The following IMMP2L variants were observed in gnomAD, a reference collection of about 807,000 sequenced individuals.
The protein encoded by IMMP2L is mitochondrial inner membrane protease subunit 2.
A neutral mutation model predicts 19.3 loss-of-function variants in IMMP2L; 18 were observed. That is an observed-to-expected ratio of 0.93 (90% confidence interval 0.64 to 1.38). The LOEUF (loss-of-function observed/expected upper bound fraction) is 1.38. IMMP2L is among the 40% of genes most tolerant of loss of function. The pLI, the probability that IMMP2L is intolerant of heterozygous loss-of-function variation, is 0.00. For synonymous variants in IMMP2L, 76 were observed against 73.0 expected, an observed-to-expected ratio of 1.04 and a Z score of -0.21; for missense variants, 233 against 218.2, an observed-to-expected ratio of 1.07 and a Z score of -0.43.
At position 110,701,068 on chromosome 7, in the gene IMMP2L, T is replaced by C. The variant is rs540913673; in HGVS notation, c.409-37347A>G. Among the ~76,000 whole-genome samples the C allele has an allele frequency of 7.1e-4, 108 of 152,326 alleles. No individual in the cohort carries two copies. In the Middle Eastern group the frequency reaches 0.01, roughly 14 times the overall value. On this transcript the variant is annotated intron_variant, in intron 5 of 5. Coordinates refer to ENST00000405709, the MANE Select transcript of IMMP2L (RefSeq NM_032549.4). Reference sequence around the variant, plus strand: ...GAATCTGTTTTGTTTTATGACATGTTGTACACATATTTTACACATATCACA... The same window carrying C: ...GAATCTGTTTTGTTTTATGACATGTCGTACACATATTTTACACATATCACA...
Position 111,336,982 on chromosome 7 carries a change from A to C in IMMP2L, c.239+150256T>G, listed in dbSNP as rs139922833. On this transcript the variant is annotated intron_variant, in intron 3 of 5. Coordinates refer to ENST00000405709, the MANE Select transcript of IMMP2L (RefSeq NM_032549.4). ...AGATTCATAAGCATCATATATATTTAATGTCAATTGTTCCAATCTTTTCTC... is the reference window on the plus strand; with the variant it reads ...AGATTCATAAGCATCATATATATTTCATGTCAATTGTTCCAATCTTTTCTC... Among the ~76,000 whole-genome samples the C allele has an allele frequency of 1.1e-4, 17 of 152,166 alleles. No homozygotes were observed. In the East Asian group the frequency reaches 3.1e-3, roughly 28 times the overall value.
At chr7:110,867,027 A>G (rs900470998) in intron 5 of IMMP2L, among the ~76,000 whole-genome samples, 4 of 152,150 alleles carry the variant, frequency 2.6e-5, no homozygotes, top group Admixed American at 2.6e-4. Flanking sequence ...TTTTTTATTC[A>G]CACCATCTTC....
intron 5 of IMMP2L, among the ~76,000 whole-genome samples, chr7:110,828,788 T>A (rs1648198815): frequency 6.6e-6 from 1 of 152,100 alleles, no homozygotes; most frequent in Non-Finnish European, 1.5e-5. Context: ...GAGATATGGT[T>A]GAAAAACCTG....
chr7:111,464,193 G>A (rs974272256), intron 3 of IMMP2L, among the ~76,000 whole-genome samples: 3 of 152,266 alleles, frequency 2.0e-5, no homozygotes, highest in South Asian at 2.1e-4. Flanking sequence ...ACAAGGCCAG[G>A]ATTACAGGTA....
At chr7:110,701,064 A>G (rs765243149) in intron 5 of IMMP2L, among the ~76,000 whole-genome samples, 10 of 152,316 alleles carry the variant, frequency 6.6e-5, no homozygotes, top group Non-Finnish European at 1.3e-4. Flanking sequence ...GTTTTATGAC[A>G]TGTTGTACAC....
intron 3 of IMMP2L, chr7:111,392,966 C>T (rs1832515054): frequency 5.0e-6 from 2 of 397,896 alleles, no homozygotes; most frequent in East Asian, 7.1e-5. Flanking sequence ...AGTCTCAGAA[C>T]CCAAGCATTT....
chr7:110,902,501 T>C (rs916126723), intron 4 of IMMP2L, among the ~76,000 whole-genome samples: 4 of 142,078 alleles, frequency 2.8e-5, no homozygotes, highest in Admixed American at 7.0e-5. Context: ...TATATATATA[T>C]AGTATCAAGG....
chr7:110,854,836 T>G (rs1806589138), intron 5 of IMMP2L, among the ~76,000 whole-genome samples: 1 of 151,988 alleles, frequency 6.6e-6, no homozygotes, highest in East Asian at 1.9e-4. Flanking sequence ...TATTCTGGAA[T>G]TCAGTGACTG....
intron 4 of IMMP2L, among the ~76,000 whole-genome samples, chr7:110,896,843 G>A (rs1012579703): frequency 1.1e-4 from 17 of 151,494 alleles, no homozygotes; most frequent in Admixed American, 6.6e-4. Flanking sequence ...GTCTCGCTTC[G>A]TTGCTCAGGC....
chr7:111,051,264 A>T (rs1792980360), intron 3 of IMMP2L, among the ~76,000 whole-genome samples: 1 of 152,218 alleles, frequency 6.6e-6, no homozygotes, highest in African/African-American at 2.4e-5. Flanking sequence ...CAGCATTTTA[A>T]TAAAACTATG....
Position 111,547,719 on chromosome 7 carries a change from C to T in IMMP2L, c.-3+14132G>A, listed in dbSNP as rs2133051311. 3.8e-5 allele frequency among the ~76,000 whole-genome samples: 3 copies of T among 78,504 alleles called. No homozygotes were observed. The East Asian group carries it at 2.1e-3, about 56-fold the overall frequency. 51.5% of individuals were successfully genotyped at this position (78,504 alleles called of 152,430 possible). A position where few individuals can be genotyped will look rare whatever the true frequency, so the allele number is the denominator to read the frequency against. ...TACCCATGGGCACCACCACACCAGTCTAATTTTTTTTTTTTTTTTGAGACA... is the reference window on the plus strand; with the variant it reads ...TACCCATGGGCACCACCACACCAGTTTAATTTTTTTTTTTTTTTTGAGACA... On this transcript the variant is annotated intron_variant, in intron 1 of 5. Transcript: ENST00000405709.
chr7:111,115,572 C>T (rs1417496853), intron 3 of IMMP2L, among the ~76,000 whole-genome samples: 1 of 152,042 alleles, frequency 6.6e-6, no homozygotes, highest in Non-Finnish European at 1.5e-5. Context: ...ACTACCCTTT[C>T]TAAATTATAG....
intron 3 of IMMP2L, among the ~76,000 whole-genome samples, chr7:110,972,102 C>T (rs913080994): frequency 6.6e-6 from 1 of 151,898 alleles, no homozygotes; most frequent in African/African-American, 2.4e-5. Flanking sequence ...ACAATTTACT[C>T]CTTTGAAAAG....
chr7:110,792,529 G>T (rs926597441), intron 5 of IMMP2L, among the ~76,000 whole-genome samples: 1 of 151,874 alleles, frequency 6.6e-6, no homozygotes, highest in Non-Finnish European at 1.5e-5. Flanking sequence ...AGCAGCTTTG[G>T]GTTCTCAGTA....
intron 3 of IMMP2L, among the ~76,000 whole-genome samples, chr7:111,189,885 T>C (rs1384336222): frequency 1.3e-5 from 2 of 152,120 alleles, no homozygotes; most frequent in African/African-American, 4.8e-5. Flanking sequence ...GACAAACTGC[T>C]CTCATAAATT....
intron 3 of IMMP2L, among the ~76,000 whole-genome samples, chr7:111,040,171 A>G (rs1791757924): frequency 6.6e-6 from 1 of 152,162 alleles, no homozygotes; most frequent in Non-Finnish European, 1.5e-5. Context: ...CTCTGTCTCA[A>G]AAAAAAGGGT....
chr7:111,062,861 C>A (rs919205774), intron 3 of IMMP2L, among the ~76,000 whole-genome samples: 8 of 152,236 alleles, frequency 5.3e-5, no homozygotes, highest in African/African-American at 1.9e-4. Flanking sequence ...GACAGCTCTG[C>A]CCCTGTGGCT....
intron 4 of IMMP2L, among the ~76,000 whole-genome samples, chr7:110,953,425 TTTCGG>T (rs1479947459): frequency 6.6e-6 from 1 of 152,032 alleles, no homozygotes; most frequent in Non-Finnish European, 1.5e-5. Context: ...GGTGTTTGGT[TTTCGG>T]TTCTTGTGTT....
intron 5 of IMMP2L, among the ~76,000 whole-genome samples, chr7:110,794,435 C>T (rs1025260887): frequency 6.6e-6 from 1 of 152,060 alleles, no homozygotes; most frequent in African/African-American, 2.4e-5. Context: ...ATATGACATT[C>T]TGGATATACA....
Sources: allele counts gnomAD v4.1 joint callset (sites outside exome capture counted in the v4.1 genomes callset), GRCh38; gene constraint gnomAD v4.1.1; transcripts MANE v1.5; gene names NCBI Gene and HGNC (gene_info 2026-07-23, HGNC 2026-07-21).